Variants in MAGI1 observed in about 807,000 individuals in gnomAD.
MAGI1 encodes membrane-associated guanylate kinase, WW and PDZ domain-containing protein 1.
A neutral mutation model predicts 139.9 loss-of-function variants in MAGI1; 58 were observed. The ratio of observed to expected loss-of-function variants is 0.41; its 90% CI spans 0.34 to 0.52. MAGI1 has a LOEUF of 0.52. Among genes scored for constraint, MAGI1 ranks in the 20% least tolerant of loss-of-function variants. MAGI1 has a pLI of 0.12. For missense variants in MAGI1, 1,874 were observed against 1,901.6 expected (o/e 0.99, Z 0.27); for synonymous variants, 812 against 737.9 (o/e 1.10, Z -1.63).
chr3:65,616,351 A>G (rs1240452249), intron 2 of MAGI1, among the ~76,000 whole-genome samples: 3 of 152,184 alleles, frequency 2.0e-5, no homozygotes, highest in African/African-American at 7.2e-5. Context: ...AAAGCTGATC[A>G]AGATAAATGT....
At chr3:65,519,968 T>G (rs754509821) in intron 2 of MAGI1, among the ~76,000 whole-genome samples, 1 of 152,172 alleles carries the variant, frequency 6.6e-6, no homozygotes, top group Non-Finnish European at 1.5e-5. Flanking sequence ...TTTGGTCCTT[T>G]GGCACAGCAG....
intron 1 of MAGI1, among the ~76,000 whole-genome samples, chr3:65,716,726 C>A (rs965878357): frequency 1.3e-5 from 2 of 152,146 alleles, no homozygotes; most frequent in Non-Finnish European, 2.9e-5. Flanking sequence ...AGAATAAACT[C>A]TGCATTCAAT....
At chr3:65,483,244 C>G (rs946295797) in intron 3 of MAGI1, among the ~76,000 whole-genome samples, 1 of 152,226 alleles carries the variant, frequency 6.6e-6, no homozygotes, top group South Asian at 2.1e-4. Context: ...GTGAACTGCC[C>G]TTACCGTGCA....
At chr3:65,807,565 C>T (rs1485755312) in intron 1 of MAGI1, among the ~76,000 whole-genome samples, 1 of 152,134 alleles carries the variant, frequency 6.6e-6, no homozygotes. Context: ...GCCTAACTTA[C>T]AAGTTCATAA....
chr3:65,782,687 A>G (rs2643731), intron 1 of MAGI1, among the ~76,000 whole-genome samples: 74,032 of 148,210 alleles, frequency 0.5, 18,858 homozygotes, highest in Non-Finnish European at 0.55. Flanking sequence ...AGGTATAAAC[A>G]TAATATACTG....
At chr3:65,935,664 T>C (rs759205048) in intron 1 of MAGI1, among the ~76,000 whole-genome samples, 11 of 152,192 alleles carry the variant, frequency 7.2e-5, no homozygotes, top group African/African-American at 2.2e-4. Flanking sequence ...CCTTTGAATT[T>C]TGGCTGGCCT....
chr3:65,781,680 A>C (rs113457792), intron 1 of MAGI1, among the ~76,000 whole-genome samples: 4 of 152,364 alleles, frequency 2.6e-5, no homozygotes, highest in African/African-American at 9.6e-5. Context: ...TTTTCATCTC[A>C]TGGCTGAGAG....
chr3:65,919,129 T>C (rs1290100820), intron 1 of MAGI1, among the ~76,000 whole-genome samples: 1 of 152,244 alleles, frequency 6.6e-6, no homozygotes, highest in Admixed American at 6.5e-5. Flanking sequence ...AGAATTTCAC[T>C]GGCTTTTCCT....
chr3:65,777,035 C>T (rs9852224), intron 1 of MAGI1, among the ~76,000 whole-genome samples: 91,507 of 152,014 alleles, frequency 0.6, 28,034 homozygotes, highest in Admixed American at 0.67. Flanking sequence ...TGGAACATAG[C>T]AGATGCCCAA....
At chr3:65,535,805 T>G (rs2078933513) in intron 2 of MAGI1, among the ~76,000 whole-genome samples, 1 of 152,258 alleles carries the variant, frequency 6.6e-6, no homozygotes, top group African/African-American at 2.4e-5. Context: ...CTATCTTAAT[T>G]ATGACACTTC....
intron 1 of MAGI1, among the ~76,000 whole-genome samples, chr3:66,027,779 G>C (rs1024581342): frequency 2.0e-5 from 3 of 152,146 alleles, no homozygotes; most frequent in Admixed American, 2.0e-4. Flanking sequence ...CAGCCTTACT[G>C]ACATTTTGGG....
At chr3:65,789,795 CAAA>C (rs2049711032) in intron 1 of MAGI1, among the ~76,000 whole-genome samples, 1 of 151,810 alleles carries the variant, frequency 6.6e-6, no homozygotes, top group Admixed American at 6.6e-5. Context: ...AAAAACAAAA[CAAA>C]AACAGAAACA....
intron 1 of MAGI1, among the ~76,000 whole-genome samples, chr3:65,933,749 A>T (rs2062914526): frequency 6.6e-6 from 1 of 152,240 alleles, no homozygotes; most frequent in South Asian, 2.1e-4. Context: ...GAGTAAAAGA[A>T]GAAAGATATC....
chr3:65,751,418 T>C (rs1273428684), intron 1 of MAGI1, among the ~76,000 whole-genome samples: 2 of 152,216 alleles, frequency 1.3e-5, no homozygotes, highest in African/African-American at 4.8e-5. Flanking sequence ...TCTCTCCCTT[T>C]GTCTACTTTT....
At chr3:65,760,000 C>T (rs1003405945) in intron 1 of MAGI1, among the ~76,000 whole-genome samples, 3 of 152,010 alleles carry the variant, frequency 2.0e-5, no homozygotes, top group African/African-American at 4.8e-5. Flanking sequence ...TTGGAGAGCA[C>T]GAAAGTATTT....
At chr3:65,488,649 A>G (rs1406759353) in intron 3 of MAGI1, among the ~76,000 whole-genome samples, 3 of 150,206 alleles carry the variant, frequency 2.0e-5, no homozygotes, top group African/African-American at 7.4e-5. Context: ...CCTACTCATC[A>G]CTTTTCTTAA....
At chr3:65,726,272 T>C (rs1176463829) in intron 1 of MAGI1, among the ~76,000 whole-genome samples, 1 of 152,326 alleles carries the variant, frequency 6.6e-6, no homozygotes, top group East Asian at 1.9e-4. Context: ...TGGCTTAATA[T>C]TTCACAATGA....
intron 1 of MAGI1, among the ~76,000 whole-genome samples, chr3:65,839,981 T>C (rs1207773743): frequency 6.6e-6 from 1 of 152,196 alleles, no homozygotes; most frequent in African/African-American, 2.4e-5. Context: ...ATCTGGTATA[T>C]ATTTTGTTAG....
chr3:65,921,028 C>CAAA (rs111680943), intron 1 of MAGI1, among the ~76,000 whole-genome samples: 1 of 124,566 alleles, frequency 8.0e-6, no homozygotes, highest in African/African-American at 2.9e-5. Flanking sequence ...GGTTCTGTCT[C>CAAA]AAAAAAAAAA....
Sources: gnomAD v4.1 joint callset for allele counts (sites outside exome capture counted in the v4.1 genomes callset) on GRCh38, gnomAD v4.1.1 for gene constraint, MANE v1.5 for transcripts, NCBI Gene and HGNC (gene_info 2026-07-23, HGNC 2026-07-21) for gene names.